The following IQCK variants were observed in gnomAD, a reference collection of about 807,000 sequenced individuals.
IQCK encodes IQ domain-containing protein K.
A neutral mutation model predicts 28.1 loss-of-function variants in IQCK; 29 were observed. The observed-to-expected ratio is 1.03, with a 90% CI of 0.77 to 1.41. The LOEUF is 1.41. Among genes scored for constraint, IQCK ranks in the 40% most tolerant of loss-of-function variants. The probability of loss-of-function intolerance (pLI) is 0.00; values close to 1 mark genes in which losing one functional copy is unlikely to be tolerated. For missense variants in IQCK, 359 were observed against 314.7 expected, an observed-to-expected ratio of 1.14 and a Z score of -1.07; for synonymous variants, 113 against 115.1, an observed-to-expected ratio of 0.98 and a Z score of 0.12.
chr16:19,853,006 T>C (rs141844761), intron 9 of IQCK, among the ~76,000 whole-genome samples: 246 of 152,340 alleles, frequency 1.6e-3, no homozygotes, highest in Middle Eastern at 3.4e-3. Context: ...ACTGGTCAAG[T>C]AGACCACAAT....
At chr16:19,780,909 A>C (rs1395936217) in intron 6 of IQCK, among the ~76,000 whole-genome samples, 1 of 152,224 alleles carries the variant, frequency 6.6e-6, no homozygotes, top group Non-Finnish European at 1.5e-5. Flanking sequence ...TTTCAATATA[A>C]TTGGTTTGCT....
intron 4 of IQCK, among the ~76,000 whole-genome samples, chr16:19,743,030 G>A (rs925312084): frequency 2.0e-5 from 3 of 152,158 alleles, no homozygotes; most frequent in African/African-American, 7.2e-5. Context: ...AATTAGTTGG[G>A]CATGGTGGCA....
At chr16:19,757,671 A>G (rs1452150832) in intron 4 of IQCK, among the ~76,000 whole-genome samples, 1 of 152,216 alleles carries the variant, frequency 6.6e-6, no homozygotes, top group Admixed American at 6.5e-5. Flanking sequence ...CTCTGTCTCA[A>G]AAAACAAAAT....
intron 6 of IQCK, among the ~76,000 whole-genome samples, chr16:19,775,437 C>G (rs2055378321): frequency 6.6e-6 from 1 of 152,078 alleles, no homozygotes; most frequent in Non-Finnish European, 1.5e-5. Flanking sequence ...TACCTACCTA[C>G]CAAACATTTA....
intron 7 of IQCK, among the ~76,000 whole-genome samples, chr16:19,805,898 T>C (rs2055827486): frequency 6.6e-6 from 1 of 151,614 alleles, no homozygotes; most frequent in African/African-American, 2.4e-5. Flanking sequence ...GTGCTGCTGA[T>C]TGGTTGGGGA....
At chr16:19,808,572 A>C (rs1424289495) in intron 7 of IQCK, among the ~76,000 whole-genome samples, 1 of 152,184 alleles carries the variant, frequency 6.6e-6, no homozygotes, top group Non-Finnish European at 1.5e-5. Context: ...ATAATAAGGA[A>C]TTCTAGTTCC....
chr16:19,830,486 G>A (rs1265906760), downstream of IQCK, among the ~76,000 whole-genome samples: 1 of 152,180 alleles, frequency 6.6e-6, no homozygotes, highest in East Asian at 1.9e-4. Context: ...GGCTCCAGAA[G>A]GAGTGAGCCG....
chr16:19,812,485 T>A (rs1002683117), intron 7 of IQCK, among the ~76,000 whole-genome samples: 1 of 152,212 alleles, frequency 6.6e-6, no homozygotes, highest in Non-Finnish European at 1.5e-5. Flanking sequence ...AAAACATGTT[T>A]TCTATGGGTG....
At chr16:19,855,704 G>C (rs1212974978) in intron 9 of IQCK, among the ~76,000 whole-genome samples, 1 of 152,150 alleles carries the variant, frequency 6.6e-6, no homozygotes, top group Non-Finnish European at 1.5e-5. Flanking sequence ...TGAAACCTCA[G>C]CCCTACATAG....
chr16:19,728,661 C>T (rs888450024), intron 1 of IQCK, among the ~76,000 whole-genome samples: 1 of 152,168 alleles, frequency 6.6e-6, no homozygotes, highest in African/African-American at 2.4e-5. Context: ...TGAATTCAGC[C>T]TGATAAAACC....
At chr16:19,719,152 G>A (rs1977384421) in intron 1 of IQCK, among the ~76,000 whole-genome samples, 1 of 152,138 alleles carries the variant, frequency 6.6e-6, no homozygotes, top group Non-Finnish European at 1.5e-5. Context: ...GTGTTAAGAA[G>A]ATGGAACCAG....
At chr16:19,754,637 CT>C (rs11295871) in intron 4 of IQCK, among the ~76,000 whole-genome samples, 50,440 of 149,444 alleles carry the variant, frequency 0.34, 12,951 homozygotes, top group African/African-American at 0.73. Context: ...TTTTCTCTTT[CT>C]TTTTTTTTTC....
chr16:19,723,806 A>G lies in IQCK; in HGVS notation c.181+5319A>G, dbSNP rs144620741. 1.9e-3 allele frequency among the ~76,000 whole-genome samples: 293 copies of G among 152,182 alleles called. 1 individual carries two copies. The highest frequency in any genetic ancestry group is 3.2e-3 in the Non-Finnish European group (218 of 67,998). Reference sequence around the variant, plus strand: ...CCATCTCTACTAAAATAAAATTTAAACAAATTAGCCAGGCATGGCAGTGTG... The same window carrying G: ...CCATCTCTACTAAAATAAAATTTAAGCAAATTAGCCAGGCATGGCAGTGTG... On this transcript the variant is annotated intron_variant, in intron 1 of 7. Coordinates refer to ENST00000564186, the Ensembl canonical transcript of IQCK.
At chr16:19,844,896 C>T (rs1174488043) in intron 9 of IQCK, among the ~76,000 whole-genome samples, 2 of 152,132 alleles carry the variant, frequency 1.3e-5, no homozygotes, top group Non-Finnish European at 2.9e-5. Context: ...GCAACCGCTG[C>T]CTGCTGGGCT....
At chr16:19,728,005 G>T (rs1468011218) in intron 1 of IQCK, among the ~76,000 whole-genome samples, 1 of 151,994 alleles carries the variant, frequency 6.6e-6, no homozygotes, top group East Asian at 1.9e-4. Context: ...TATGTTTAAA[G>T]CTTTTAACCA....
intron 1 of IQCK, among the ~76,000 whole-genome samples, chr16:19,729,967 T>C (rs1977778785): frequency 6.6e-6 from 1 of 151,550 alleles, no homozygotes; most frequent in Non-Finnish European, 1.5e-5. Context: ...TAATAATTTT[T>C]TTTTAGATAG....
At chr16:19,829,438 G>A (rs545431137), downstream of IQCK, among the ~76,000 whole-genome samples, 6 of 152,082 alleles carry the variant, frequency 3.9e-5, no homozygotes, top group East Asian at 1.2e-3. Context: ...TGGGGTTCAA[G>A]CGATTCTCAT....
chr16:19,763,981 T>C, intron 5 of IQCK, 54 bp from the exon 6 acceptor site: 1 of 1,598,218 alleles, frequency 6.3e-7, no homozygotes. Flanking sequence ...AACAACTGAC[T>C]TGAATTCTTG....
At chr16:19,803,178 T>C (rs2055782976) in intron 7 of IQCK, among the ~76,000 whole-genome samples, 1 of 152,228 alleles carries the variant, frequency 6.6e-6, no homozygotes, top group Admixed American at 6.5e-5. Flanking sequence ...AGTCTCACTC[T>C]GTCACCCAGG....
Sources: gnomAD v4.1 joint callset for allele counts (sites outside exome capture counted in the v4.1 genomes callset) on GRCh38, gnomAD v4.1.1 for gene constraint, MANE v1.5 for transcripts, NCBI Gene and HGNC (gene_info 2026-07-23, HGNC 2026-07-21) for gene names.